Variants in RBFOX1 observed in about 807,000 individuals in gnomAD.
RBFOX1 encodes RNA binding protein fox-1 homolog 1.
A neutral mutation model predicts 57.7 loss-of-function variants in RBFOX1; 8 were observed. The ratio of observed to expected loss-of-function variants is 0.14; its 90% CI spans 0.08 to 0.25. The LOEUF (loss-of-function observed/expected upper bound fraction) is 0.25, where lower values mean the gene tolerates loss of function less well. Ranked by LOEUF, RBFOX1 falls within the 10% of genes least tolerant of loss-of-function variation. The probability of loss-of-function intolerance (pLI) is 1.00; values close to 1 mark genes in which losing one functional copy is unlikely to be tolerated. For synonymous variants in RBFOX1, 326 were observed against 222.4 expected (o/e 1.47, Z -4.15); for missense variants, 611 against 548.5 (o/e 1.11, Z -1.14).
intron 5 of RBFOX1, among the ~76,000 whole-genome samples, chr16:7,579,566 C>G (rs112882260): frequency 6.6e-6 from 1 of 152,164 alleles, no homozygotes; most frequent in Non-Finnish European, 1.5e-5. Context: ...CTGCTTTTCC[C>G]ACTGCCTAAT....
At chr16:5,356,151 G>A (rs1451171481) in intron 1 of RBFOX1, among the ~76,000 whole-genome samples, 1 of 152,160 alleles carries the variant, frequency 6.6e-6, no homozygotes, top group Non-Finnish European at 1.5e-5. Context: ...CCGTGTGCAG[G>A]TGGATGCAGA....
intron 2 of RBFOX1, among the ~76,000 whole-genome samples, chr16:6,502,513 A>T (rs572048953): frequency 1.3e-5 from 2 of 152,320 alleles, no homozygotes; most frequent in East Asian, 3.9e-4. Context: ...TAAGGATTGT[A>T]CGACATTCTG....
At chr16:6,220,854 T>G (rs1357142771) in intron 1 of RBFOX1, among the ~76,000 whole-genome samples, 1 of 152,124 alleles carries the variant, frequency 6.6e-6, no homozygotes, top group Non-Finnish European at 1.5e-5. Context: ...ATAATGAACA[T>G]TTAACTTTTT....
intron 3 of RBFOX1, among the ~76,000 whole-genome samples, chr16:5,801,105 A>T (rs2055041693): frequency 6.6e-6 from 1 of 152,194 alleles, no homozygotes; most frequent in Middle Eastern, 3.2e-3. Flanking sequence ...TGTGTACGGA[A>T]GTGGAGCTGG....
intron 1 of RBFOX1, among the ~76,000 whole-genome samples, chr16:6,190,713 C>A (rs2097136149): frequency 6.6e-6 from 1 of 152,120 alleles, no homozygotes; most frequent in Admixed American, 6.5e-5. Flanking sequence ...GTTGGTCCCA[C>A]CCTTAAAATT....
At chr16:6,190,131 C>T (rs1414346627) in intron 1 of RBFOX1, among the ~76,000 whole-genome samples, 2 of 152,030 alleles carry the variant, frequency 1.3e-5, no homozygotes, top group South Asian at 2.1e-4. Context: ...ACCCTCAAAC[C>T]GAAATAGTAT....
chr16:7,032,581 CTGTTTGTT>C (rs35455847), intron 3 of RBFOX1, among the ~76,000 whole-genome samples: 16,689 of 151,408 alleles, frequency 0.11, 1,183 homozygotes, highest in Non-Finnish European at 0.15. Flanking sequence ...ACAGCTATTT[CTGTTTGTT>C]TGTTTGTTTG....
At chr16:7,376,711 A>G (rs1173282404) in intron 4 of RBFOX1, among the ~76,000 whole-genome samples, 2 of 152,186 alleles carry the variant, frequency 1.3e-5, no homozygotes, top group Non-Finnish European at 2.9e-5. Context: ...TTTCCAAAGT[A>G]CAAGTATAAT....
At chr16:7,238,132 T>A (rs1334203572) in intron 4 of RBFOX1, among the ~76,000 whole-genome samples, 3 of 152,162 alleles carry the variant, frequency 2.0e-5, no homozygotes, top group African/African-American at 7.2e-5. Context: ...GTGCCCATAG[T>A]TGTCAAATTC....
intron 1 of RBFOX1, among the ~76,000 whole-genome samples, chr16:6,078,695 C>T (rs999185567): frequency 1.2e-4 from 19 of 152,320 alleles, no homozygotes; most frequent in Middle Eastern, 3.4e-3. Context: ...TGCAGCAACA[C>T]CCTGCACGTA....
intron 1 of RBFOX1, among the ~76,000 whole-genome samples, chr16:5,345,985 A>G (rs1015623501): frequency 2.0e-5 from 3 of 152,108 alleles, no homozygotes; most frequent in Non-Finnish European, 2.9e-5. Context: ...CCCCATGCTC[A>G]TGGAATAACA....
At chr16:7,063,200 C>G (rs572302497) in intron 4 of RBFOX1, among the ~76,000 whole-genome samples, 1 of 151,930 alleles carries the variant, frequency 6.6e-6, no homozygotes, top group Non-Finnish European at 1.5e-5. Context: ...CTTTTTGGGT[C>G]AGTTCTCAGT....
At chr16:5,550,853 G>T (rs368598444) in intron 2 of RBFOX1, among the ~76,000 whole-genome samples, 1 of 152,234 alleles carries the variant, frequency 6.6e-6, no homozygotes, top group South Asian at 2.1e-4. Flanking sequence ...TTTATACCAG[G>T]TGCACAGGGC....
chr16:5,460,512 C>T (rs2068756726), intron 1 of RBFOX1, among the ~76,000 whole-genome samples: 3 of 152,126 alleles, frequency 2.0e-5, no homozygotes, highest in Admixed American at 6.5e-5. Context: ...AGGCTCAGGG[C>T]CCAGGAGAAA....
intron 1 of RBFOX1, among the ~76,000 whole-genome samples, chr16:5,356,276 C>T (rs576865881): frequency 4.6e-5 from 7 of 152,246 alleles, no homozygotes; most frequent in Admixed American, 3.3e-4. Flanking sequence ...AGGAATCATC[C>T]GTGATGACAC....
intron 2 of RBFOX1, among the ~76,000 whole-genome samples, chr16:5,568,229 G>A (rs1333148873): frequency 6.6e-6 from 1 of 152,100 alleles, no homozygotes; most frequent in Non-Finnish European, 1.5e-5. Context: ...CAGCGTATGG[G>A]GGCCTGTGCT....
chr16:7,328,659 A>G (rs1160537444), intron 4 of RBFOX1: 1 of 148,620 alleles, frequency 6.7e-6, no homozygotes. Context: ...TGGAGGGATG[A>G]GATTGAACTA....
chr16:7,562,318 C>G (rs144759551), intron 5 of RBFOX1, among the ~76,000 whole-genome samples: 4 of 152,276 alleles, frequency 2.6e-5, no homozygotes, highest in African/African-American at 9.6e-5. Flanking sequence ...ATTAGGGTAC[C>G]TGCCGCCTGT....
intron 1 of RBFOX1, among the ~76,000 whole-genome samples, chr16:6,286,934 A>C (rs2076965027): frequency 6.6e-6 from 1 of 152,208 alleles, no homozygotes; most frequent in African/African-American, 2.4e-5. Context: ...GCAACTATAT[A>C]GTGGTAGAGT....
Sources: gnomAD v4.1 joint callset for allele counts (sites outside exome capture counted in the v4.1 genomes callset) on GRCh38, gnomAD v4.1.1 for gene constraint, MANE v1.5 for transcripts, NCBI Gene and HGNC (gene_info 2026-07-23, HGNC 2026-07-21) for gene names.